The following SNAP23 variants were observed in gnomAD, a reference collection of about 807,000 sequenced individuals.
The protein encoded by SNAP23 is synaptosome associated protein 23, also known as synaptosomal-associated protein 23.
Under a neutral mutation model 29.0 loss-of-function variants are expected in SNAP23, and 11 were observed. That is an observed-to-expected ratio of 0.38 (90% CI 0.24 to 0.63). The LOEUF is 0.63. SNAP23 is among the 20% of genes least tolerant of loss of function. The probability of loss-of-function intolerance (pLI) is 0.58; values close to 1 mark genes in which losing one functional copy is unlikely to be tolerated. For synonymous variants in SNAP23, 60 were observed against 82.9 expected (o/e 0.72, Z 1.50); for missense variants, 220 against 253.9 (o/e 0.87, Z 0.91).
chr15:42,508,260 C>T (rs2057330120), intron 1 of SNAP23, among the ~76,000 whole-genome samples: 1 of 130,054 alleles, frequency 7.7e-6, no homozygotes, highest in Non-Finnish European at 1.6e-5. Context: ...GAAGCCTTGC[C>T]TCAAAAAAAA....
At chr15:42,494,421 G>T (rs1419935213), upstream of SNAP23, among the ~76,000 whole-genome samples, 4 of 147,760 alleles carry the variant, frequency 2.7e-5, no homozygotes, top group African/African-American at 7.5e-5. Flanking sequence ...TTGAGATGGA[G>T]TCTGGCACTG....
At position 42,531,581 on chromosome 15, in the gene SNAP23, T is replaced by A; in HGVS notation, c.*103T>A. On this transcript the variant is annotated 3_prime_UTR_variant, in exon 8 of 8. Coordinates refer to ENST00000249647, the MANE Select transcript of SNAP23 (RefSeq NM_003825.4). The stretch of plus-strand genomic sequence containing the variant: ...GTTTTCGGTTCCACGCTCTTCTAAT[T>A]GGGAGATAATATGGAAGAAGGGCCA... 1.2e-6 allele frequency: 1 copy of A among 825,922 alleles called. No individual in the cohort carries two copies. The highest frequency in any genetic ancestry group is 1.9e-6 in the Non-Finnish European group (1 of 524,616). The allele number at this position is 825,922 out of a possible 1,614,324, so 51.2% of individuals were successfully genotyped here. A position where few individuals can be genotyped will look rare whatever the true frequency, so the allele number is the denominator to read the frequency against.
intron 1 of SNAP23, among the ~76,000 whole-genome samples, chr15:42,500,955 C>T (rs750245044): frequency 1.1e-4 from 16 of 152,228 alleles, no homozygotes; most frequent in Admixed American, 2.0e-4. Flanking sequence ...TTGTTGCTTT[C>T]TGTAAGTTCT....
chr15:42,521,428 T>C (rs1039104856), intron 5 of SNAP23: 1 of 978,262 alleles, frequency 1.0e-6, no homozygotes, highest in Non-Finnish European at 1.2e-6. Flanking sequence ...AATAGTTTTC[T>C]TATTTTTCTT....
chr15:42,509,225 T>C (rs2057339694), intron 1 of SNAP23, among the ~76,000 whole-genome samples: 1 of 152,152 alleles, frequency 6.6e-6, no homozygotes, highest in African/African-American at 2.4e-5. Flanking sequence ...GTATGTATGA[T>C]AAAGCTTAAG....
At chr15:42,512,277 T>C (rs1338853733) in intron 2 of SNAP23, 1 of 155,590 alleles carries the variant, frequency 6.4e-6, no homozygotes. Flanking sequence ...ATTCTCTTTT[T>C]TAAAAAAACT....
rs2057446411 is a variant in SNAP23, at chr15:42,521,219, A to T, written c.266+5865A>T. 2.6e-5 allele frequency among the ~76,000 whole-genome samples: 4 copies of T among 152,308 alleles called. No individual in the cohort carries two copies. The South Asian group carries it at 8.3e-4, about 32-fold the overall frequency. Reference sequence around the variant, plus strand: ...CTGGTGGGAGAGTTTGACGTGTAAAAAGATTTTTTAAAATTACAATGAAAA... The same window carrying T: ...CTGGTGGGAGAGTTTGACGTGTAAATAGATTTTTTAAAATTACAATGAAAA... On this transcript the variant is annotated intron_variant, in intron 5 of 7. Transcript: ENST00000249647.
intron 5 of SNAP23, among the ~76,000 whole-genome samples, chr15:42,524,046 G>T (rs950211546): frequency 3.3e-5 from 5 of 152,030 alleles, no homozygotes; most frequent in African/African-American, 9.7e-5. Context: ...TTGAACTCCT[G>T]ACCTCACGAT....
chr15:42,496,412 C>T (rs1381265790), intron 1 of SNAP23, among the ~76,000 whole-genome samples: 1 of 151,864 alleles, frequency 6.6e-6, no homozygotes, highest in Non-Finnish European at 1.5e-5. Flanking sequence ...TGCGTTCTCA[C>T]ACTGCTATAA....
intron 1 of SNAP23, among the ~76,000 whole-genome samples, chr15:42,503,555 A>G (rs561730892): frequency 6.6e-6 from 1 of 152,222 alleles, no homozygotes; most frequent in South Asian, 2.1e-4. Context: ...TTTTTAGTAG[A>G]GACGGGGTTT....
chr15:42,524,065 C>A (rs766728484), intron 5 of SNAP23, among the ~76,000 whole-genome samples: 1 of 152,128 alleles, frequency 6.6e-6, no homozygotes, highest in Non-Finnish European at 1.5e-5. Context: ...ATCCACCCAC[C>A]TCGGCCTCCC....
chr15:42,526,838 AT>A (rs1379818329), intron 5 of SNAP23, among the ~76,000 whole-genome samples: 6,781 of 137,460 alleles, frequency 0.049, 427 homozygotes, highest in African/African-American at 0.17. Context: ...TAGACTTATG[AT>A]TTTTTTTTTT....
chr15:42,498,276 T>TC (rs1253176198), intron 1 of SNAP23, among the ~76,000 whole-genome samples: 1 of 152,214 alleles, frequency 6.6e-6, no homozygotes. Context: ...GCAGAGGTTC[T>TC]CCATGAGGTC....
intron 1 of SNAP23, among the ~76,000 whole-genome samples, chr15:42,509,470 C>T (rs1199929221): frequency 2.1e-5 from 3 of 144,598 alleles, no homozygotes; most frequent in Admixed American, 6.9e-5. Context: ...GATGGAGTCT[C>T]GCTCTGTCAC....
chr15:42,519,404 C>T (rs1269637234), intron 5 of SNAP23, among the ~76,000 whole-genome samples: 2 of 148,558 alleles, frequency 1.3e-5, no homozygotes, highest in Non-Finnish European at 3.0e-5. Context: ...CAGAGTTTTA[C>T]GTTGTCACCC....
intron 1 of SNAP23, among the ~76,000 whole-genome samples, chr15:42,507,426 G>A (rs1415321902): frequency 6.6e-6 from 1 of 152,146 alleles, no homozygotes; most frequent in African/African-American, 2.4e-5. Context: ...GAAATAGGGT[G>A]TAAAAGCACT....
chr15:42,530,189 A>G (rs2057549543), intron 7 of SNAP23, among the ~76,000 whole-genome samples: 1 of 152,164 alleles, frequency 6.6e-6, no homozygotes. Context: ...TGGTGGTACA[A>G]TCACAGCTCA....
intron 7 of SNAP23, 39 bp downstream of exon 7, chr15:42,529,858 A>G: frequency 2.5e-6 from 4 of 1,603,180 alleles, no homozygotes; most frequent in Non-Finnish European, 3.4e-6. Flanking sequence ...TGAGACACCC[A>G]GTTCAGTGTT....
At chr15:42,522,572 T>G (rs2057457579) in intron 5 of SNAP23, among the ~76,000 whole-genome samples, 1 of 152,036 alleles carries the variant, frequency 6.6e-6, no homozygotes, top group African/African-American at 2.4e-5. Context: ...ATCCAAAGCA[T>G]ACACACACTC....
Sources: allele counts gnomAD v4.1 joint callset (sites outside exome capture counted in the v4.1 genomes callset), GRCh38; gene constraint gnomAD v4.1.1; transcripts MANE v1.5; gene names NCBI Gene and HGNC (gene_info 2026-07-23, HGNC 2026-07-21).